Variants in SGSM1 observed in about 807,000 individuals in gnomAD.
SGSM1 encodes the protein small G protein signaling modulator 1.
Under a neutral mutation model 133.8 loss-of-function variants are expected in SGSM1, and 73 were observed. That is an observed-to-expected ratio of 0.55 (90% CI 0.45 to 0.66). SGSM1 has a LOEUF of 0.66. Among genes scored for constraint, SGSM1 ranks in the 30% least tolerant of loss-of-function variants. The probability of loss-of-function intolerance (pLI) is 0.00; values close to 1 mark genes in which losing one functional copy is unlikely to be tolerated. For missense variants in SGSM1, 1,213 were observed against 1,448.1 expected, an observed-to-expected ratio of 0.84 and a Z score of 2.64; for synonymous variants, 563 against 573.0, an observed-to-expected ratio of 0.98 and a Z score of 0.25.
intron 19 of SGSM1, among the ~76,000 whole-genome samples, chr22:24,899,036 A>C (rs866355260): frequency 0.051 from 7,637 of 150,590 alleles, 763 homozygotes; most frequent in African/African-American, 0.18. Flanking sequence ...AAAAAAAAAA[A>C]AAAAAAAAAA....
intron 2 of SGSM1, among the ~76,000 whole-genome samples, chr22:24,831,818 C>T (rs1271460862): frequency 1.3e-5 from 2 of 152,224 alleles, no homozygotes; most frequent in Admixed American, 1.3e-4. Flanking sequence ...AAGTAAAAGT[C>T]CCCAACGCCC....
At chr22:24,880,165 C>T (rs551509059) in intron 14 of SGSM1, among the ~76,000 whole-genome samples, 218 of 151,816 alleles carry the variant, frequency 1.4e-3, no homozygotes, top group Non-Finnish European at 2.3e-3. Context: ...GACAGAGTCT[C>T]GCTCTGTCAC....
intron 2 of SGSM1, among the ~76,000 whole-genome samples, chr22:24,829,224 C>A (rs1053651196): frequency 1.3e-5 from 2 of 151,744 alleles, no homozygotes; most frequent in African/African-American, 4.8e-5. Context: ...GAGATCATAT[C>A]CTTCGCAGGA....
intron 22 of SGSM1, 72 bp from the exon 23 acceptor site, chr22:24,917,586 C>A: frequency 9.2e-7 from 1 of 1,081,874 alleles, no homozygotes. Flanking sequence ...GGATGTACCA[C>A]CATTTATTCA....
At chr22:24,832,812 C>T (rs1369288013) in intron 2 of SGSM1, among the ~76,000 whole-genome samples, 2 of 152,182 alleles carry the variant, frequency 1.3e-5, no homozygotes, top group East Asian at 3.8e-4. Flanking sequence ...AAGGTAGCTG[C>T]AGGACTAGTT....
At chr22:24,895,044 G>A (rs1370742624) in intron 17 of SGSM1, among the ~76,000 whole-genome samples, 179 bp from the exon 18 acceptor site, 1 of 152,192 alleles carries the variant, frequency 6.6e-6, no homozygotes, top group Non-Finnish European at 1.5e-5. Flanking sequence ...GCTCCAGGAA[G>A]CAGGGAGTGG....
Position 24,890,610 on chromosome 22 carries a change from A to G in SGSM1, c.1771-2821A>G, listed in dbSNP as rs201964628. On this transcript the variant is annotated intron_variant, in intron 16 of 24. Transcript: ENST00000400358. ...GGCTGGAGTGCAGTGGTGCGATCTCAGCTCACTGCAACCTCCACCTCCTGG... is the reference window on the plus strand; with the variant it reads ...GGCTGGAGTGCAGTGGTGCGATCTCGGCTCACTGCAACCTCCACCTCCTGG... Among the ~76,000 whole-genome samples, 489 of 151,842 alleles carry G rather than the reference A, an allele frequency of 3.2e-3. 4 individuals are homozygous for G. Among genetic ancestry groups the G allele is most frequent in the Non-Finnish European group, 5.3e-3 (360 of 67,930 alleles).
rs373938235 is a variant in SGSM1 at position 24,868,413 on chromosome 22, C to T, written c.1032C>T (p.Asp344=). Residue 344 remains aspartate, a synonymous_variant, in exon 11 of 25, where the codon GAC becomes GAT. Coordinates refer to ENST00000400358, the MANE Select transcript of SGSM1 (RefSeq NM_001098497.3). ...SGGTVVLVSQ[D]GIQRPPFRFP... ...GGACAGTGGTATTGGTCAGCCAGGA[C>T]GGGATCCAGAGGCCGCCCTTCCGCT... 61 of 1,613,702 alleles carry T rather than the reference C, an allele frequency of 3.8e-5. No individual in the cohort carries two copies. The highest frequency in any genetic ancestry group is 1.2e-4 in the Admixed American group (7 of 59,994).
At chr22:24,861,610 C>T (rs964331586) in intron 9 of SGSM1, among the ~76,000 whole-genome samples, 3 of 149,752 alleles carry the variant, frequency 2.0e-5, no homozygotes, top group South Asian at 2.1e-4. Context: ...TGCAGTGGCG[C>T]GAACTCGGCT....
At chr22:24,915,769 T>A (rs1432118842) in intron 22 of SGSM1, among the ~76,000 whole-genome samples, 1 of 152,258 alleles carries the variant, frequency 6.6e-6, no homozygotes, top group Non-Finnish European at 1.5e-5. Context: ...GTTACCCTGC[T>A]GTGCGATCAA....
At chr22:24,833,652 G>A (rs777163647) in intron 2 of SGSM1, among the ~76,000 whole-genome samples, 13 of 96,312 alleles carry the variant, frequency 1.3e-4, no homozygotes, top group African/African-American at 4.4e-4. Flanking sequence ...GCGAGACTCC[G>A]TCTCAAAAAA....
Position 24,884,035 on chromosome 22 carries a change from C to T in SGSM1, c.1496-18C>T. ...TTCAGGTGGTGGATGATGACACTTT[C>T]CCTCCCTCCCTCAACAGGGCTGGCC... On this transcript the variant is annotated intron_variant, in intron 14 of 24. Transcript: ENST00000400358. 2 of 1,585,808 alleles carry T rather than the reference C, an allele frequency of 1.3e-6. No individual in the cohort carries two copies. Among genetic ancestry groups the T allele is most frequent in the Non-Finnish European group, 1.7e-6 (2 of 1,161,718 alleles).
At chr22:24,856,734 A>G (rs946962487) in intron 8 of SGSM1, among the ~76,000 whole-genome samples, 1 of 152,160 alleles carries the variant, frequency 6.6e-6, no homozygotes, top group Non-Finnish European at 1.5e-5. Context: ...CGCAAATCTA[A>G]GAAGCCATTA....
intron 15 of SGSM1, 50 bp downstream of exon 15, chr22:24,884,248 G>A (rs753714316): frequency 2.6e-6 from 4 of 1,562,626 alleles, no homozygotes; most frequent in Non-Finnish European, 3.5e-6. Context: ...CTGCAGGGGG[G>A]TCATCTTATT....
At chr22:24,810,880 G>C (rs1448031073) in intron 2 of SGSM1, among the ~76,000 whole-genome samples, 1 of 152,180 alleles carries the variant, frequency 6.6e-6, no homozygotes, top group African/African-American at 2.4e-5. Flanking sequence ...TTGCTAAGAA[G>C]GTTGGAGAAA....
Position 24,850,425 on chromosome 22 carries a change from A to G in SGSM1, c.448A>G (p.Asn150Asp), listed in dbSNP as rs750278228. The change falls in exon 5 of 25, where the codon AAC becomes GAC. Residue 150 changes from asparagine to aspartate, a missense_variant. Coordinates refer to ENST00000400358, the MANE Select transcript of SGSM1 (RefSeq NM_001098497.3). Reference sequence around the variant, plus strand: ...CAAAATTGTGCATTACCTTGTGGAAAACAGCAGGTGAGAGGGAAAGACCTG... The same window carrying G: ...CAAAATTGTGCATTACCTTGTGGAAGACAGCAGGTGAGAGGGAAAGACCTG... ...LDKIVHYLVE[N>D]SSKYYEKEAL... The G allele has an allele frequency of 6.2e-7, 1 of 1,613,896 alleles. No individual in the cohort carries two copies. Among genetic ancestry groups the G allele is most frequent in the Non-Finnish European group, 8.5e-7 (1 of 1,179,830 alleles).
chr22:24,899,403 C>T (rs1601971156), intron 19 of SGSM1, among the ~76,000 whole-genome samples: 2 of 152,084 alleles, frequency 1.3e-5, no homozygotes, highest in Admixed American at 1.3e-4. Flanking sequence ...CAATCTTCCT[C>T]GTCCTGATCT....
At chr22:24,891,442 C>T (rs117951106) in intron 16 of SGSM1, among the ~76,000 whole-genome samples, 413 of 152,258 alleles carry the variant, frequency 2.7e-3, no homozygotes, top group Non-Finnish European at 4.4e-3. Flanking sequence ...CCCTTTCTCC[C>T]TGGGGTAATC....
At chr22:24,874,420 C>T in intron 12 of SGSM1, 1 of 1,609,200 alleles carries the variant, frequency 6.2e-7, no homozygotes, top group Non-Finnish European at 8.5e-7. Context: ...TCAAGTTGCC[C>T]CCGACTTCTT....
Sources: gnomAD v4.1 joint callset for allele counts (sites outside exome capture counted in the v4.1 genomes callset) on GRCh38, gnomAD v4.1.1 for gene constraint, MANE v1.5 for transcripts, NCBI Gene and HGNC (gene_info 2026-07-23, HGNC 2026-07-21) for gene names.